The following EXOSC1 variants were observed in gnomAD, a reference collection of about 807,000 sequenced individuals.
The protein encoded by EXOSC1 is exosome complex component CSL4.
In EXOSC1, 27 loss-of-function variants were observed where a neutral mutation model predicts 31.4. The observed-to-expected ratio is 0.86, with a 90% CI of 0.63 to 1.18. EXOSC1 has a LOEUF of 1.18. Ranked by LOEUF, EXOSC1 falls within the 50% of genes most tolerant of loss-of-function variation. EXOSC1 has a pLI of 0.00. For synonymous variants in EXOSC1, 84 were observed against 89.5 expected, an observed-to-expected ratio of 0.94 and a Z score of 0.35; for missense variants, 228 against 250.3, an observed-to-expected ratio of 0.91 and a Z score of 0.60.
intron 2 of EXOSC1, chr10:97,445,127 C>T (rs1176453889): frequency 6.6e-6 from 1 of 152,030 alleles, no homozygotes; most frequent in Non-Finnish European, 1.5e-5. Flanking sequence ...CTCCTTTCCT[C>T]AATTAGTGGG....
At chr10:97,436,596 G>A (rs1342010744) in intron 7 of EXOSC1, 45 bp from the exon 8 acceptor site, 2 of 1,526,992 alleles carry the variant, frequency 1.3e-6, no homozygotes, top group African/African-American at 1.4e-5. Flanking sequence ...CCAAAGATTT[G>A]CCTGCGACTC....
chr10:97,442,058 TCCCAGCTA>T (rs1198722759), intron 3 of EXOSC1, among the ~76,000 whole-genome samples: 1 of 150,754 alleles, frequency 6.6e-6, no homozygotes, highest in East Asian at 2.0e-4. Flanking sequence ...ATGCCTATAA[TCCCAGCTA>T]CTCGGGAGGC....
In EXOSC1 at chr10:97,441,847, C is replaced by T. The variant is rs532585073; in HGVS notation, c.223-588G>A. Among the ~76,000 whole-genome samples, 107 of 126,706 alleles carry T rather than the reference C, an allele frequency of 8.4e-4. 1 individual carries two copies. Among genetic ancestry groups the T allele is most frequent in the East Asian group, 6.9e-3 (30 of 4,330 alleles). 83.1% of individuals were successfully genotyped at this position (126,706 alleles called of 152,430 possible). On this transcript the variant is annotated intron_variant, in intron 3 of 7. Coordinates refer to ENST00000370902, the MANE Select transcript of EXOSC1 (RefSeq NM_016046.5). ...AACTTGCCCTTCAGAGAGGTATAGA[C>T]TTTTTAAAGTATAGATGGCTAACAA... is the stretch of plus-strand genomic sequence containing the variant.
In EXOSC1 at chr10:97,436,277, GA is replaced by G; in HGVS notation, c.*167del. 1.8e-6 allele frequency: 1 copy of G among 570,028 alleles called. No individual in the cohort carries two copies. The highest frequency in any genetic ancestry group is 3.1e-6 in the Non-Finnish European group (1 of 321,160). 35.3% of individuals were successfully genotyped at this position (570,028 alleles called of 1,614,324 possible). Reference sequence around the variant, plus strand: ...GATAAGATTTATTACTCAAGAGAATGAAATCCACTGATAGGTTCACAGAAAC... The same window carrying G: ...GATAAGATTTATTACTCAAGAGAATGAATCCACTGATAGGTTCACAGAAAC... On this transcript the variant is annotated 3_prime_UTR_variant, in exon 8 of 8. Coordinates refer to ENST00000370902, the MANE Select transcript of EXOSC1 (RefSeq NM_016046.5).
At position 97,445,939 on chromosome 10, in the gene EXOSC1, G is replaced by A. The variant is rs1845968646; in HGVS notation, c.31+16C>T. 6.2e-7 allele frequency: 1 copy of A among 1,614,156 alleles called. No individual in the cohort carries two copies. Among genetic ancestry groups the A allele is most frequent in the South Asian group, 1.1e-5 (1 of 91,082 alleles). On this transcript the variant is annotated intron_variant, in intron 1 of 7. Transcript: ENST00000370902. ...CAGCCCCTATCCAGGACTCTGTACG[G>A]GAAGCGCTCACTTACCGGGGATGCA...
intron 2 of EXOSC1, chr10:97,443,752 T>G (rs746988591): frequency 6.3e-6 from 1 of 159,218 alleles, no homozygotes; most frequent in Non-Finnish European, 1.4e-5. Context: ...CAGAATTTCT[T>G]GGTATACAAC....
Position 97,445,764 on chromosome 10 carries a change from C to G in EXOSC1, c.115G>C (p.Gly39Arg). The G allele has an allele frequency of 6.2e-7, 1 of 1,613,864 alleles. No homozygotes were observed. The highest frequency in any genetic ancestry group is 8.5e-7 in the Non-Finnish European group (1 of 1,179,780). The change falls in exon 2 of 8, where the codon GGC (glycine) becomes CGC (arginine). Residue 39 changes from glycine to arginine, a missense_variant. Gly to Arg is a moderately radical substitution (Grantham distance 125, BLOSUM62 -2). Coordinates refer to ENST00000370902, the MANE Select transcript of EXOSC1 (RefSeq NM_016046.5). ...RHGYIFSSLA[G>R]CLMKSSENGA... ...TTCTCGCTGCTCTTCATCAGACAGCCGGCAAGCGACGAAAAGATGTAGCCG... is the reference window on the plus strand; with the variant it reads ...TTCTCGCTGCTCTTCATCAGACAGCGGGCAAGCGACGAAAAGATGTAGCCG...
chr10:97,445,743 C>G lies in EXOSC1; in HGVS notation c.136G>C (p.Glu46Gln). 6.2e-7 allele frequency: 1 copy of G among 1,613,386 alleles called. No homozygotes were observed. Among genetic ancestry groups the G allele is most frequent in the African/African-American group, 1.3e-5 (1 of 75,042 alleles). Residue 46 changes from glutamate (E) to glutamine (Q), a missense_variant, in exon 2 of 8, where the codon GAG (glutamate) becomes CAG (glutamine). Transcript: ENST00000370902. Reference protein sequence around the residue: ...SLAGCLMKSSENGALPVVSVV... With the variant: ...SLAGCLMKSSQNGALPVVSVV... Reference sequence around the variant, plus strand: ...GCCGCTTCCTTTACCGCGCCATTCTCGCTGCTCTTCATCAGACAGCCGGCA... The same window carrying G: ...GCCGCTTCCTTTACCGCGCCATTCTGGCTGCTCTTCATCAGACAGCCGGCA...
rs759740619 is a variant in EXOSC1, at chr10:97,437,225, G to A, written c.447C>T (p.Asn149=). The change falls in exon 7 of 8, where the codon AAC becomes AAT. Residue 149 remains asparagine, a synonymous_variant. Transcript: ENST00000370902. Reference sequence around the variant, plus strand: ...TGTGGGCTACCACCACTCCCAGCTCGTTCTCGGCGGTGGTTAGCAGGTAGT... The same window carrying A: ...TGTGGGCTACCACCACTCCCAGCTCATTCTCGGCGGTGGTTAGCAGGTAGT... ...QSNYLLTTAE[N]ELGVVVAHSE... 8.1e-6 allele frequency: 13 copies of A among 1,613,994 alleles called. No homozygotes were observed. The highest frequency in any genetic ancestry group is 3.3e-5 in the Admixed American group (2 of 59,988).
rs905348066 is a variant in EXOSC1, at chr10:97,441,175, T to A, written c.307A>T (p.Ile103Phe). 1.2e-6 allele frequency: 2 copies of A among 1,613,368 alleles called. No homozygotes were observed. The highest frequency in any genetic ancestry group is 1.3e-5 in the African/African-American group (1 of 74,908). The stretch of plus-strand genomic sequence containing the variant: ...TGTGAAAAGGATACTTCTTACCGGA[T>A]AGTTCCTCGAAAAGAGTTCTTAAGA... ...MPLKNSFRGT[I>F]RKEDVRATEK... The change falls in exon 4 of 8, where the codon ATC (isoleucine) becomes TTC (phenylalanine). Residue 103 changes from isoleucine to phenylalanine, a missense_variant. Ile to Phe is a conservative substitution (Grantham distance 21). Transcript: ENST00000370902.
intron 5 of EXOSC1, 127 bp from the exon 6 acceptor site, chr10:97,437,877 A>C: frequency 1.3e-6 from 1 of 783,454 alleles, no homozygotes; most frequent in Non-Finnish European, 2.1e-6. Flanking sequence ...TACTCATGTC[A>C]AGTCAAGAAC....
intron 2 of EXOSC1, among the ~76,000 whole-genome samples, chr10:97,443,616 G>A (rs1452682072): frequency 6.6e-6 from 1 of 152,106 alleles, no homozygotes; most frequent in Non-Finnish European, 1.5e-5. Context: ...TCCACTTCCC[G>A]GGTTCACGCC....
chr10:97,440,553 C>G (rs996238969), intron 4 of EXOSC1, among the ~76,000 whole-genome samples: 1 of 149,134 alleles, frequency 6.7e-6, no homozygotes, highest in African/African-American at 2.5e-5. Flanking sequence ...GAGTCTCGCT[C>G]TGTCCCCCAG....
chr10:97,436,999 AAGTG>A (rs776470658), intron 7 of EXOSC1, among the ~76,000 whole-genome samples, 188 bp downstream of exon 7: 23 of 152,152 alleles, frequency 1.5e-4, no homozygotes, highest in Non-Finnish European at 2.9e-4. Context: ...CTCCTCGACA[AAGTG>A]AGACCCTGTC....
intron 2 of EXOSC1, 146 bp from the exon 3 acceptor site, chr10:97,443,457 A>T (rs1426793480): frequency 4.5e-6 from 3 of 673,386 alleles, no homozygotes; most frequent in Non-Finnish European, 5.1e-6. Context: ...AGAAGGCCTT[A>T]GAAATTTTAG....
chr10:97,442,170 C>T (rs1243701025), intron 3 of EXOSC1, among the ~76,000 whole-genome samples: 2 of 123,674 alleles, frequency 1.6e-5, no homozygotes, highest in Admixed American at 1.6e-4. Context: ...AGAGCAAGGC[C>T]CTGTCTCAAA....
chr10:97,441,792 G>GT (rs760097494), intron 3 of EXOSC1, among the ~76,000 whole-genome samples: 3,008 of 128,216 alleles, frequency 0.023, 98 homozygotes, highest in African/African-American at 0.075. Context: ...ATCCGGCTGG[G>GT]TTTTTTTTTT....
chr10:97,437,734 C>T lies in EXOSC1; in HGVS notation c.362G>A (p.Ser121Asn), dbSNP rs372810655. The T allele has an allele frequency of 1.9e-5, 31 of 1,613,166 alleles. No individual in the cohort carries two copies. The highest frequency in any genetic ancestry group is 2.4e-5 in the Non-Finnish European group (28 of 1,179,476). Residue 121 changes from serine to asparagine, a missense_variant, in exon 6 of 8, where the codon AGT (serine) becomes AAT (asparagine). Ser to Asn is a conservative substitution (Grantham distance 46). Transcript: ENST00000370902. ...CAAGACAATGTCACCTGGGCGGAAA[C>T]TCTTATAAATTTCAACCTGTAAAGA... Reference protein sequence around the residue: ...TEKDKVEIYKSFRPGDIVLAK... With the variant: ...TEKDKVEIYKNFRPGDIVLAK...
chr10:97,439,001 CTCAG>C, intron 4 of EXOSC1, among the ~76,000 whole-genome samples: 1 of 152,140 alleles, frequency 6.6e-6, no homozygotes. Context: ...ATCCACCCGC[CTCAG>C]CTTCCCAAAG....
Sources: gnomAD v4.1 joint callset for allele counts (sites outside exome capture counted in the v4.1 genomes callset) on GRCh38, gnomAD v4.1.1 for gene constraint, MANE v1.5 for transcripts, NCBI Gene and HGNC (gene_info 2026-07-23, HGNC 2026-07-21) for gene names.